PCDHGB4: variants seen among roughly 807,000 people sequenced by gnomAD.
PCDHGB4 encodes the protein protocadherin gamma-B4.
In PCDHGB4, 38 loss-of-function variants were observed where a neutral mutation model predicts 60.5. The ratio of observed to expected loss-of-function variants is 0.63; its 90% confidence interval spans 0.48 to 0.82. The LOEUF is 0.82. PCDHGB4 is among the 40% of genes least tolerant of loss of function. The pLI, the probability that PCDHGB4 is intolerant of heterozygous loss-of-function variation, is 0.00. For synonymous variants in PCDHGB4, 456 were observed against 509.7 expected (o/e 0.89, Z 1.42); for missense variants, 1,109 against 1,209.6 (o/e 0.92, Z 1.23).
intron 1 of PCDHGB4, chr5:141,430,662 C>A: frequency 8.6e-7 from 1 of 1,169,068 alleles, no homozygotes; most frequent in Non-Finnish European, 1.2e-6. Context: ...AACGGAGGAG[C>A]TCTGACTTCC....
chr5:141,478,607 A>T (rs892000536), intron 1 of PCDHGB4: 1 of 1,560,800 alleles, frequency 6.4e-7, no homozygotes, highest in Non-Finnish European at 8.7e-7. Context: ...CATCATATTG[A>T]GGAAGGAATG....
chr5:141,453,333 A>T (rs181261279), intron 1 of PCDHGB4, among the ~76,000 whole-genome samples: 3 of 151,914 alleles, frequency 2.0e-5, no homozygotes, highest in Admixed American at 1.3e-4. Context: ...GGGTCTCACT[A>T]TGTTTCCCCA....
intron 1 of PCDHGB4, chr5:141,478,582 G>T: frequency 1.3e-6 from 2 of 1,579,988 alleles, no homozygotes; most frequent in Non-Finnish European, 1.7e-6. Context: ...CCCTGTTAGT[G>T]CTTTTTTATT....
intron 1 of PCDHGB4, among the ~76,000 whole-genome samples, chr5:141,462,069 C>T (rs555164288): frequency 4.3e-4 from 65 of 151,850 alleles, no homozygotes; most frequent in Non-Finnish European, 7.5e-4. Context: ...GTGATCTGCC[C>T]GCCTTGGCCT....
chr5:141,388,406 C>T lies in PCDHGB4; in HGVS notation c.522C>T (p.Pro174=), dbSNP rs770065402. The T allele has an allele frequency of 1.9e-6, 3 of 1,613,842 alleles. No homozygotes were observed. Among genetic ancestry groups the T allele is most frequent in the Non-Finnish European group, 2.5e-6 (3 of 1,179,896 alleles). Residue 174 remains proline, a synonymous_variant, in exon 1 of 4, where the codon CCC becomes CCT. Coordinates refer to ENST00000519479, the MANE Select transcript of PCDHGB4 (RefSeq NM_003736.4). ...SNTLQNYQLS[P]SDHFSLINKE... is the part of the protein sequence containing the mutation. The stretch of plus-strand genomic sequence containing the variant: ...CACTGCAGAATTACCAACTCAGTCC[C>T]AGTGATCATTTCTCACTGATAAATA...
At chr5:141,478,618 G>A (rs1374855853) in intron 1 of PCDHGB4, 1 of 1,556,056 alleles carries the variant, frequency 6.4e-7, no homozygotes, top group Non-Finnish European at 8.7e-7. Flanking sequence ...GGAAGGAATG[G>A]AGCTGTTTTT....
At chr5:141,418,878 A>G (rs1193526475) in intron 1 of PCDHGB4, 2 of 1,613,930 alleles carry the variant, frequency 1.2e-6, no homozygotes, top group Non-Finnish European at 8.5e-7. Context: ...GTTGTAGACG[A>G]AAACGACAAC....
chr5:141,395,310 A>T (rs752171326), intron 1 of PCDHGB4: 1 of 1,502,292 alleles, frequency 6.7e-7, no homozygotes, highest in African/African-American at 1.4e-5. Context: ...TTTGAAAAAC[A>T]TTGTGAAGAT....
At chr5:141,496,021 G>T (rs1011612662) in intron 2 of PCDHGB4, among the ~76,000 whole-genome samples, 2 of 151,336 alleles carry the variant, frequency 1.3e-5, no homozygotes, top group African/African-American at 4.9e-5. Flanking sequence ...TTTTCTCTGA[G>T]CCTCTGTCTC....
At chr5:141,509,669 G>GAGAA (rs2099877764) in intron 3 of PCDHGB4, among the ~76,000 whole-genome samples, 1 of 152,180 alleles carries the variant, frequency 6.6e-6, no homozygotes, top group African/African-American at 2.4e-5. Flanking sequence ...CTGGGCCCCA[G>GAGAA]TTTCTTCTTC....
In PCDHGB4 at chr5:141,404,306, T is replaced by C. The variant is rs200297928; in HGVS notation, c.2397+14025T>C. 1,450 of 1,613,824 alleles carry C rather than the reference T, an allele frequency of 9.0e-4. 2 individuals carry two copies. Among genetic ancestry groups the C allele is most frequent in the Admixed American group, 2.4e-3 (143 of 60,004 alleles). ...TGACATCAATGATAATCCACCTGCT[T>C]TCTCTCAAGCCTCCTACTCAGTCTA... On this transcript the variant is annotated intron_variant, in intron 1 of 3. Coordinates refer to ENST00000519479, the MANE Select transcript of PCDHGB4 (RefSeq NM_003736.4).
At chr5:141,410,736 A>G (rs553799279) in intron 1 of PCDHGB4, 1 of 1,334,690 alleles carries the variant, frequency 7.5e-7, no homozygotes, top group East Asian at 2.4e-5. Flanking sequence ...ATAGCTTTTT[A>G]CAATATTTTC....
rs922592733 is a variant in PCDHGB4 at position 141,487,979 on chromosome 5, C to T, written c.2398-6828C>T. Among the ~76,000 whole-genome samples the T allele has an allele frequency of 1.3e-5, 2 of 152,178 alleles. No individual in the cohort carries two copies. Among genetic ancestry groups the T allele is most frequent in the African/African-American group, 4.8e-5 (2 of 41,442 alleles). The stretch of plus-strand genomic sequence containing the variant: ...TGGACAAAGGTGGCTGTTTTCTCTA[C>T]TCTTCCTGAAAGAGGGGATCAGATT... On this transcript the variant is annotated intron_variant, in intron 1 of 3. Coordinates refer to ENST00000519479, the MANE Select transcript of PCDHGB4 (RefSeq NM_003736.4). The surrounding 1 kb of genome is among the most constrained non-coding windows in gnomAD (Gnocchi z 5.0).
Position 141,409,505 on chromosome 5 carries a change from A to G in PCDHGB4, c.2397+19224A>G, listed in dbSNP as rs1361558030. 5.6e-6 allele frequency: 9 copies of G among 1,614,036 alleles called. No homozygotes were observed. In the Middle Eastern group the frequency reaches 4.9e-4, roughly 89 times the overall value. On this transcript the variant is annotated intron_variant, in intron 1 of 3. Coordinates refer to ENST00000519479, the MANE Select transcript of PCDHGB4 (RefSeq NM_003736.4). Reference sequence around the variant, plus strand: ...CAGGGGCAAGCCGCCTCTTTCTTCCAGTAGAAGCATCACCTTGTATGTCGC... The same window carrying G: ...CAGGGGCAAGCCGCCTCTTTCTTCCGGTAGAAGCATCACCTTGTATGTCGC...
rs773688197 is a variant in PCDHGB4, at chr5:141,432,412, C to T, written c.2397+42131C>T. On this transcript the variant is annotated intron_variant, in intron 1 of 3. Transcript: ENST00000519479. This position sits in a 1 kb window ranked among gnomAD's most constrained non-coding sequence, Gnocchi z 6.0. ...GCAGCAACGTGTCGTTGAGCCTGTT[C>T]GTGCTGGACCAGAACGACAATGCGC... 5 of 1,614,128 alleles carry T rather than the reference C, an allele frequency of 3.1e-6. No individual in the cohort carries two copies. The highest frequency in any genetic ancestry group is 4.5e-5 in the East Asian group (2 of 44,894).
chr5:141,435,104 G>A (rs1009839042), intron 1 of PCDHGB4, among the ~76,000 whole-genome samples: 1 of 151,968 alleles, frequency 6.6e-6, no homozygotes, highest in Non-Finnish European at 1.5e-5. Flanking sequence ...TTATCTAGGG[G>A]GGAGAAATCT....
At position 141,511,983 on chromosome 5, in the gene PCDHGB4, G is replaced by A. The variant is rs904146751; in HGVS notation, c.*810G>A. 6.5e-6 allele frequency: 1 copy of A among 153,280 alleles called. No homozygotes were observed. The highest frequency in any genetic ancestry group is 1.5e-5 in the Non-Finnish European group (1 of 68,572). The allele number at this position is 153,280 out of a possible 1,614,324, so 9.5% of individuals were successfully genotyped here. A position where few individuals can be genotyped will look rare whatever the true frequency, so the allele number is the denominator to read the frequency against. ...AGGGAAGTGTGTGGATGTGGATGGT[G>A]GGGGCATGGACAAAGCTTGACACAT... On this transcript the variant is annotated 3_prime_UTR_variant, in exon 4 of 4. Coordinates refer to ENST00000519479, the MANE Select transcript of PCDHGB4 (RefSeq NM_003736.4).
chr5:141,432,991 C>T lies in PCDHGB4; in HGVS notation c.2397+42710C>T. ...CGGCGTCGCACTTTGTGGGCGTGGA[C>T]GGGGTGCAGGCTTTCCTGCAGACCT... is the stretch of plus-strand genomic sequence containing the variant. On this transcript the variant is annotated intron_variant, in intron 1 of 3. Coordinates refer to ENST00000519479, the MANE Select transcript of PCDHGB4 (RefSeq NM_003736.4). This position sits in a 1 kb window ranked among gnomAD's most constrained non-coding sequence, Gnocchi z 6.0. 6.2e-7 allele frequency: 1 copy of T among 1,614,200 alleles called. No individual in the cohort carries two copies. The highest frequency in any genetic ancestry group is 8.5e-7 in the Non-Finnish European group (1 of 1,180,030).
intron 1 of PCDHGB4, among the ~76,000 whole-genome samples, chr5:141,406,166 G>A (rs778809031): frequency 1.6e-4 from 24 of 151,400 alleles, no homozygotes; most frequent in Non-Finnish European, 3.2e-4. Context: ...TCAATCTCCT[G>A]GGCTTATGCA....
Sources: gnomAD v4.1 joint callset for allele counts (sites outside exome capture counted in the v4.1 genomes callset) on GRCh38, gnomAD v4.1.1 for gene constraint, Gnocchi (gnomAD v3.1) non-coding constraint, MANE v1.5 for transcripts, NCBI Gene and HGNC (gene_info 2026-07-23, HGNC 2026-07-21) for gene names.